RNF152: variants seen among roughly 807,000 people sequenced by gnomAD.
The protein encoded by RNF152 is ring finger protein 152.
RNF152 carries 11 observed loss-of-function variants against 12.7 expected under a neutral mutation model. The observed-to-expected ratio is 0.86, with a 90% CI of 0.54 to 1.43. RNF152 has a LOEUF of 1.43. Among genes scored for constraint, RNF152 ranks in the 40% most tolerant of loss-of-function variants. The probability of loss-of-function intolerance (pLI) is 0.00; values close to 1 mark genes in which losing one functional copy is unlikely to be tolerated. For synonymous variants in RNF152, 113 were observed against 120.3 expected (o/e 0.94, Z 0.40); for missense variants, 255 against 274.8 (o/e 0.93, Z 0.51).
chr18:61,862,755 G>T (rs367558080), intron 1 of RNF152, among the ~76,000 whole-genome samples: 141 of 152,246 alleles, frequency 9.3e-4, no homozygotes, highest in African/African-American at 3.3e-3. Context: ...TCTGTGAGCC[G>T]CTCCAGCAAA....
At chr18:61,879,873 G>T (rs1274482401) in intron 1 of RNF152, among the ~76,000 whole-genome samples, 1 of 151,836 alleles carries the variant, frequency 6.6e-6, no homozygotes, top group Non-Finnish European at 1.5e-5. Flanking sequence ...GCTGAGGCAG[G>T]AGAATCGCTT....
chr18:61,870,832 T>C (rs1248661652), intron 1 of RNF152, among the ~76,000 whole-genome samples: 1 of 152,112 alleles, frequency 6.6e-6, no homozygotes, highest in African/African-American at 2.4e-5. Context: ...TAACTCCTTC[T>C]CAACCTCTGA....
chr18:61,874,483 T>A (rs547783313), intron 1 of RNF152, among the ~76,000 whole-genome samples: 5 of 152,362 alleles, frequency 3.3e-5, no homozygotes, highest in African/African-American at 1.2e-4. Context: ...GTGCAACTAT[T>A]TTAAAAAGCA....
At chr18:61,889,396 G>A (rs915390046) in intron 1 of RNF152, among the ~76,000 whole-genome samples, 3 of 152,150 alleles carry the variant, frequency 2.0e-5, no homozygotes, top group Non-Finnish European at 4.4e-5. Context: ...ACCCGTGCAT[G>A]CCGTTATCAC....
At chr18:61,868,174 T>TTGGC (rs1290343758) in intron 1 of RNF152, among the ~76,000 whole-genome samples, 1 of 152,174 alleles carries the variant, frequency 6.6e-6, no homozygotes, top group Admixed American at 6.5e-5. Flanking sequence ...ACTGTAGAGG[T>TTGGC]TGGCCTTCGG....
chr18:61,808,646 T>C lies in RNF152; in HGVS notation c.*7206A>G, dbSNP rs953182404. On this transcript the variant is annotated 3_prime_UTR_variant, in exon 2 of 2. Transcript: ENST00000312828. ...AAACCAGCTTCTACACCCATGACTG[T>C]TGAGTGAGGCAAACACAAACAAGTG... The C allele has an allele frequency of 6.6e-6, 1 of 152,160 alleles. No individual in the cohort carries two copies. Among genetic ancestry groups the C allele is most frequent in the Non-Finnish European group, 1.5e-5 (1 of 68,020 alleles). 9.4% of individuals were successfully genotyped at this position (152,160 alleles called of 1,614,324 possible). A position where few individuals can be genotyped will look rare whatever the true frequency, so the allele number is the denominator to read the frequency against.
rs905067664 is a variant in RNF152, at chr18:61,813,708, T to C, written c.*2144A>G. ...ACATATGCAGATATCACTCACAAAA[T>C]TAATCTGAATATGGCATAGCTTAAA... is the stretch of plus-strand genomic sequence containing the variant. On this transcript the variant is annotated 3_prime_UTR_variant, in exon 2 of 2. Transcript: ENST00000312828. 6.6e-6 allele frequency: 1 copy of C among 152,226 alleles called. No individual in the cohort carries two copies. Among genetic ancestry groups the C allele is most frequent in the African/African-American group, 2.4e-5 (1 of 41,456 alleles). The allele number at this position is 152,226 out of a possible 1,614,324, so 9.4% of individuals were successfully genotyped here.
intron 1 of RNF152, among the ~76,000 whole-genome samples, chr18:61,838,987 G>C (rs1910316594): frequency 6.7e-6 from 1 of 150,214 alleles, no homozygotes; most frequent in Admixed American, 6.7e-5. Flanking sequence ...TCCAATCCAA[G>C]CTGAACTTGG....
In RNF152 at chr18:61,820,944, T is replaced by A. The variant is rs567379369; in HGVS notation, c.-135-4346A>T. 6.6e-5 allele frequency among the ~76,000 whole-genome samples: 10 copies of A among 152,008 alleles called. No individual in the cohort carries two copies. In the South Asian group the frequency reaches 1.7e-3, roughly 25 times the overall value. On this transcript the variant is annotated intron_variant, in intron 1 of 1. Transcript: ENST00000312828. The stretch of plus-strand genomic sequence containing the variant: ...CCCTGGCCAAGCAGGGATGATGGAG[T>A]TGTGGCTGAAGGTCAAGTGAGCTCA...
intron 1 of RNF152, among the ~76,000 whole-genome samples, chr18:61,867,332 G>A (rs996368830): frequency 3.3e-5 from 5 of 152,028 alleles, no homozygotes; most frequent in Admixed American, 3.3e-4. Context: ...TGCTCCTGTA[G>A]TCTCAGCTAC....
chr18:61,888,138 T>C (rs1008198726), intron 1 of RNF152: 3 of 152,392 alleles, frequency 2.0e-5, no homozygotes, highest in Admixed American at 6.5e-5. Flanking sequence ...TCTCCACTCC[T>C]AGGCGATCAC....
At chr18:61,887,866 A>G (rs1406908137) in intron 1 of RNF152, among the ~76,000 whole-genome samples, 1 of 152,154 alleles carries the variant, frequency 6.6e-6, no homozygotes, top group African/African-American at 2.4e-5. Flanking sequence ...CTTCCTTGGT[A>G]GGTGGGAATG....
At chr18:61,854,798 A>C (rs1339096693) in intron 1 of RNF152, among the ~76,000 whole-genome samples, 1 of 152,226 alleles carries the variant, frequency 6.6e-6, no homozygotes, top group African/African-American at 2.4e-5. Context: ...CAAGCCAAGC[A>C]AAGCTCGCTG....
chr18:61,832,253 A>C (rs1031646553), intron 1 of RNF152, among the ~76,000 whole-genome samples: 2 of 152,212 alleles, frequency 1.3e-5, no homozygotes, highest in African/African-American at 4.8e-5. Context: ...TCAGATGTGC[A>C]CAAGTAGGAA....
At chr18:61,884,744 A>G (rs1912614203) in intron 1 of RNF152, among the ~76,000 whole-genome samples, 1 of 152,144 alleles carries the variant, frequency 6.6e-6, no homozygotes, top group African/African-American at 2.4e-5. Flanking sequence ...CTTTTAGTAG[A>G]GACGGGGTTT....
At chr18:61,832,904 C>T (rs891383759) in intron 1 of RNF152, among the ~76,000 whole-genome samples, 1 of 152,182 alleles carries the variant, frequency 6.6e-6, no homozygotes, top group Non-Finnish European at 1.5e-5. Flanking sequence ...AGGGATATTG[C>T]TATAGCTCTT....
At chr18:61,892,307 T>G (rs985475679) in intron 1 of RNF152, among the ~76,000 whole-genome samples, 5 of 152,124 alleles carry the variant, frequency 3.3e-5, no homozygotes, top group African/African-American at 1.2e-4. Context: ...CAAACACTAT[T>G]ACAATGAAGG....
At chr18:61,863,873 G>A (rs944987809) in intron 1 of RNF152, among the ~76,000 whole-genome samples, 4 of 152,188 alleles carry the variant, frequency 2.6e-5, no homozygotes, top group Admixed American at 2.6e-4. Flanking sequence ...GGACTGAAAG[G>A]GTTAAGCTGA....
At chr18:61,851,113 T>C (rs1449441843) in intron 1 of RNF152, among the ~76,000 whole-genome samples, 2 of 151,234 alleles carry the variant, frequency 1.3e-5, no homozygotes, top group African/African-American at 4.9e-5. Context: ...AAAAAACTTA[T>C]GATCTGACTG....
Sources: allele counts gnomAD v4.1 joint callset (sites outside exome capture counted in the v4.1 genomes callset), GRCh38; gene constraint gnomAD v4.1.1; transcripts MANE v1.5; gene names NCBI Gene and HGNC (gene_info 2026-07-23, HGNC 2026-07-21).